AFAP1: variants seen among roughly 807,000 people sequenced by gnomAD.
AFAP1 encodes actin filament associated protein 1, also known as actin filament-associated protein 1.
Under a neutral mutation model 93.9 loss-of-function variants are expected in AFAP1, and 75 were observed. That is an observed-to-expected ratio of 0.80 (90% CI 0.66 to 0.97). AFAP1 has a LOEUF of 0.97. Among genes scored for constraint, AFAP1 ranks in the 50% least tolerant of loss-of-function variants. The probability of loss-of-function intolerance (pLI) is 0.00; values close to 1 mark genes in which losing one functional copy is unlikely to be tolerated. For missense variants in AFAP1, 1,201 were observed against 1,050.8 expected, an observed-to-expected ratio of 1.14 and a Z score of -1.98; for synonymous variants, 517 against 430.7, an observed-to-expected ratio of 1.20 and a Z score of -2.48.
chr4:7,816,805 A>G (rs1720519382), intron 7 of AFAP1, among the ~76,000 whole-genome samples: 1 of 152,216 alleles, frequency 6.6e-6, no homozygotes, highest in Non-Finnish European at 1.5e-5. Context: ...GGAGACTGGG[A>G]CACAGATGAG....
intron 1 of AFAP1, among the ~76,000 whole-genome samples, chr4:7,917,686 T>G (rs1435762549): frequency 6.6e-6 from 1 of 152,184 alleles, no homozygotes; most frequent in Admixed American, 6.5e-5. Flanking sequence ...CTCTCTTCTC[T>G]TGGTCCAATG....
intron 1 of AFAP1, among the ~76,000 whole-genome samples, chr4:7,935,718 A>G (rs942714888): frequency 2.6e-5 from 4 of 151,780 alleles, no homozygotes; most frequent in African/African-American, 4.9e-5. Context: ...TACAATACCA[A>G]TGGCATCAAA....
chr4:7,782,414 A>AGAAAGCTCTGT (rs1716871655), intron 12 of AFAP1, among the ~76,000 whole-genome samples: 1 of 152,270 alleles, frequency 6.6e-6, no homozygotes, highest in Non-Finnish European at 1.5e-5. Flanking sequence ...TGCCACAACC[A>AGAAAGCTCTGT]ACACAAGCAA....
At chr4:7,883,689 TATC>T (rs1166077232) in intron 1 of AFAP1, among the ~76,000 whole-genome samples, 1 of 152,206 alleles carries the variant, frequency 6.6e-6, no homozygotes, top group Non-Finnish European at 1.5e-5. Context: ...AGCTAGAAGA[TATC>T]ATGGAATATC....
Position 7,774,805 on chromosome 4 carries a change from G to A in AFAP1, c.1996C>T (p.Arg666Trp), listed in dbSNP as rs766985200. 21 of 1,614,052 alleles carry A rather than the reference G, an allele frequency of 1.3e-5. No individual in the cohort carries two copies. Among genetic ancestry groups the A allele is most frequent in the Admixed American group, 1.2e-4 (7 of 60,004 alleles). Reference sequence around the variant, plus strand: ...TTGCGGAGCTGGGCCAGCCTATTCCGCAGGGCCTCTTTCCTCTTCAGCAGC... The same window carrying A: ...TTGCGGAGCTGGGCCAGCCTATTCCACAGGGCCTCTTTCCTCTTCAGCAGC... ...EELLKRKEAL[R>W]NRLAQLRKER... The change falls in exon 15 of 18, where the codon CGG becomes TGG. Residue 666 changes from arginine to tryptophan, a missense_variant. Transcript: ENST00000420658.
At chr4:7,869,135 G>C (rs1432587945) in intron 2 of AFAP1, among the ~76,000 whole-genome samples, 2 of 105,554 alleles carry the variant, frequency 1.9e-5, no homozygotes, top group Non-Finnish European at 4.1e-5. Context: ...AGAGAAAAAA[G>C]AATAAAAGAG....
chr4:7,808,091 A>G (rs1289332069), intron 9 of AFAP1, among the ~76,000 whole-genome samples: 1 of 152,216 alleles, frequency 6.6e-6, no homozygotes, highest in Non-Finnish European at 1.5e-5. Context: ...GGCAACTAGA[A>G]TGACTATTCA....
Position 7,857,584 on chromosome 4 carries a change from A to C in AFAP1, c.226-2010T>G, listed in dbSNP as rs188699405. On this transcript the variant is annotated intron_variant, in intron 3 of 17. Coordinates refer to ENST00000420658, the MANE Select transcript of AFAP1 (RefSeq NM_001134647.2). ...GTCCTTCATATCTTCCTACAGACGC[A>C]ACAGAACCTGATACATGGGGCCCAG... 3.9e-3 allele frequency among the ~76,000 whole-genome samples: 601 copies of C among 152,302 alleles called. 6 individuals carry two copies. The highest frequency in any genetic ancestry group is 0.013 in the African/African-American group (523 of 41,574).
chr4:7,780,234 C>T (rs1298052479), intron 13 of AFAP1, among the ~76,000 whole-genome samples: 1 of 152,216 alleles, frequency 6.6e-6, no homozygotes, highest in Non-Finnish European at 1.5e-5. Context: ...GCCACTCAGA[C>T]TCACTGAATG....
intron 1 of AFAP1, among the ~76,000 whole-genome samples, chr4:7,935,941 A>C (rs1272969163): frequency 1.3e-5 from 2 of 152,350 alleles, no homozygotes; most frequent in East Asian, 3.9e-4. Flanking sequence ...TAACTAGTTA[A>C]GTTTTATTAA....
chr4:7,935,465 T>C (rs1181479523), intron 1 of AFAP1, among the ~76,000 whole-genome samples: 1 of 152,052 alleles, frequency 6.6e-6, no homozygotes, highest in Non-Finnish European at 1.5e-5. Flanking sequence ...TAGACACCTA[T>C]ACAATAAAAA....
In AFAP1 at chr4:7,853,419, G is replaced by A. The variant is rs145240767; in HGVS notation, c.334+2047C>T. Among the ~76,000 whole-genome samples, 20 of 152,282 alleles carry A rather than the reference G, an allele frequency of 1.3e-4. No homozygotes were observed. In the East Asian group the frequency reaches 2.3e-3, roughly 18 times the overall value. ...GTGGCCCCAGACTCTGCAGGTGGAC[G>A]CGGGGACAGGGACTGCCGCAGCTCA... On this transcript the variant is annotated intron_variant, in intron 4 of 17. Coordinates refer to ENST00000420658, the MANE Select transcript of AFAP1 (RefSeq NM_001134647.2).
chr4:7,892,049 C>T lies in AFAP1; in HGVS notation c.-2-19969G>A, dbSNP rs143602189. 2.0e-3 allele frequency among the ~76,000 whole-genome samples: 299 copies of T among 151,738 alleles called. 1 individual carries two copies. Among genetic ancestry groups the T allele is most frequent in the African/African-American group, 6.7e-3 (279 of 41,354 alleles). The stretch of plus-strand genomic sequence containing the variant: ...AGCCTGGGCAGCAAGAACAAAATTC[C>T]GACTCAAAAAAAGAAAAAAAAGAAA... On this transcript the variant is annotated intron_variant, in intron 1 of 17. Transcript: ENST00000420658.
At chr4:7,785,064 A>T (rs1450205567) in intron 12 of AFAP1, among the ~76,000 whole-genome samples, 1 of 152,204 alleles carries the variant, frequency 6.6e-6, no homozygotes, top group Non-Finnish European at 1.5e-5. Flanking sequence ...CAGTACTGGG[A>T]GACAAATGGC....
chr4:7,772,600 AG>A (rs897896068), intron 16 of AFAP1: 1 of 549,094 alleles, frequency 1.8e-6, no homozygotes, highest in Non-Finnish European at 3.2e-6. Context: ...GCATTTCCAC[AG>A]CTTTTAACAT....
intron 1 of AFAP1, among the ~76,000 whole-genome samples, chr4:7,915,442 C>A (rs1015777883): frequency 2.4e-4 from 36 of 151,124 alleles, no homozygotes; most frequent in African/African-American, 8.8e-4. Flanking sequence ...CTGCTTGAGC[C>A]TAGACCAGCC....
chr4:7,801,360 G>C (rs778575430), intron 9 of AFAP1, among the ~76,000 whole-genome samples: 17 of 151,996 alleles, frequency 1.1e-4, no homozygotes, highest in Non-Finnish European at 2.1e-4. Flanking sequence ...CGTGTCTCTG[G>C]TATGGCACAA....
intron 9 of AFAP1, among the ~76,000 whole-genome samples, chr4:7,806,023 C>T (rs542990053): frequency 1.3e-5 from 2 of 152,136 alleles, no homozygotes; most frequent in Non-Finnish European, 1.5e-5. Flanking sequence ...AAGGTGGAAA[C>T]GCATTTCCTG....
intron 6 of AFAP1, among the ~76,000 whole-genome samples, chr4:7,836,412 G>A (rs1258296381): frequency 6.6e-6 from 1 of 152,186 alleles, no homozygotes; most frequent in Non-Finnish European, 1.5e-5. Flanking sequence ...GAAGAACAGG[G>A]GTGGTGGCAA....
Sources: allele counts gnomAD v4.1 joint callset (sites outside exome capture counted in the v4.1 genomes callset), GRCh38; gene constraint gnomAD v4.1.1; transcripts MANE v1.5; gene names NCBI Gene and HGNC (gene_info 2026-07-23, HGNC 2026-07-21).